Variants in TCF4 observed in about 807,000 individuals in gnomAD.
TCF4 encodes the protein SL3-3 enhancer factor 2.
Under a neutral mutation model 82.1 loss-of-function variants are expected in TCF4, and 3 were observed. The observed-to-expected ratio is 0.04, with a 90% CI of 0.02 to 0.09. The LOEUF is 0.09. TCF4 is among the 10% of genes least tolerant of loss of function. The probability of loss-of-function intolerance (pLI) is 1.00; values close to 1 mark genes in which losing one functional copy is unlikely to be tolerated. For synonymous variants in TCF4, 276 were observed against 309.6 expected, an observed-to-expected ratio of 0.89 and a Z score of 1.14; for missense variants, 518 against 852.7, an observed-to-expected ratio of 0.61 and a Z score of 4.89.
chr18:55,332,330 A>C (rs960538698), intron 8 of TCF4: 34 of 149,346 alleles, frequency 2.3e-4, no homozygotes, highest in African/African-American at 7.2e-4. Flanking sequence ...AAAAAAAAAA[A>C]CAGCTTAAAA....
chr18:55,431,747 G>A (rs944601137), intron 5 of TCF4, among the ~76,000 whole-genome samples: 10 of 152,208 alleles, frequency 6.6e-5, no homozygotes, highest in Non-Finnish European at 1.2e-4. Flanking sequence ...GAAGCGTTAA[G>A]ACTGCAGGTG....
At chr18:55,434,886 G>A (rs2147225269) in intron 5 of TCF4, among the ~76,000 whole-genome samples, 1 of 149,866 alleles carries the variant, frequency 6.7e-6, no homozygotes, top group East Asian at 2.0e-4. Flanking sequence ...ATCATATATG[G>A]GTAAATGGAG....
intron 5 of TCF4, chr18:55,422,409 G>C (rs1343328129): frequency 1.0e-6 from 1 of 984,636 alleles, no homozygotes; most frequent in African/African-American, 1.8e-5. Context: ...AAAGGTGGAG[G>C]GTTTGGGGGG....
intron 6 of TCF4, among the ~76,000 whole-genome samples, chr18:55,355,325 T>C (rs1440229030): frequency 6.6e-6 from 1 of 152,214 alleles, no homozygotes; most frequent in African/African-American, 2.4e-5. Flanking sequence ...AGGTCATTTC[T>C]ACATAGCTAA....
At chr18:55,336,578 AAAAG>A (rs2078690339) in intron 8 of TCF4, among the ~76,000 whole-genome samples, 1 of 152,160 alleles carries the variant, frequency 6.6e-6, no homozygotes, top group African/African-American at 2.4e-5. Flanking sequence ...GGGGGCAAGA[AAAAG>A]AAAGAAGCTA....
At chr18:55,400,029 G>T (rs1414542681) in intron 6 of TCF4, among the ~76,000 whole-genome samples, 1 of 151,664 alleles carries the variant, frequency 6.6e-6, no homozygotes, top group Non-Finnish European at 1.5e-5. Flanking sequence ...AAGGGGAGAA[G>T]TAATAACAAG....
chr18:55,322,885 CAG>C lies in TCF4; in HGVS notation c.549+27472_549+27473del, dbSNP rs150015392. ...AAAGGCACCCCTGAGACCACATTTT[CAG>C]AGTTTTGCAGCATCCCCGCAGCCCA... On this transcript the variant is annotated intron_variant, in intron 8 of 19. Transcript: ENST00000354452. Among the ~76,000 whole-genome samples, 38 of 152,310 alleles carry C rather than the reference CAG, an allele frequency of 2.5e-4. No individual in the cohort carries two copies. In the East Asian group the frequency reaches 4.2e-3, roughly 17 times the overall value.
chr18:55,550,689 G>GC (rs2097253063), intron 3 of TCF4: 1 of 152,184 alleles, frequency 6.6e-6, no homozygotes, highest in Non-Finnish European at 1.5e-5. Flanking sequence ...TACACTGGGC[G>GC]CATGACCAGC....
At chr18:55,261,380 T>C (rs1424694707) in intron 12 of TCF4, 86 bp downstream of exon 12, 1 of 1,513,350 alleles carries the variant, frequency 6.6e-7, no homozygotes, top group Non-Finnish European at 9.2e-7. Flanking sequence ...TTGCCATTCA[T>C]TTTCTAAAAT....
chr18:55,631,055 T>TG (rs1283850588), intron 2 of TCF4, among the ~76,000 whole-genome samples: 1 of 151,438 alleles, frequency 6.6e-6, no homozygotes, highest in Non-Finnish European at 1.5e-5. Flanking sequence ...CAATGGGTTT[T>TG]TTTTTTTTTT....
intron 6 of TCF4, among the ~76,000 whole-genome samples, chr18:55,366,437 T>C (rs1381925412): frequency 5.9e-5 from 9 of 152,252 alleles, no homozygotes; most frequent in South Asian, 2.1e-4. Flanking sequence ...ACATGTTATA[T>C]ACACCATATT....
chr18:55,465,692 G>A (rs1472010514), intron 3 of TCF4, among the ~76,000 whole-genome samples: 2 of 152,040 alleles, frequency 1.3e-5, no homozygotes, highest in Non-Finnish European at 1.5e-5. Context: ...TCTGGGATTC[G>A]CACATAAATA....
intron 3 of TCF4, among the ~76,000 whole-genome samples, chr18:55,554,557 T>G (rs1324323146): frequency 2.0e-5 from 3 of 152,172 alleles, no homozygotes; most frequent in African/African-American, 7.2e-5. Flanking sequence ...TGTATAAAAC[T>G]GAAATAATCA....
chr18:55,534,827 TG>T (rs147976835), intron 3 of TCF4, among the ~76,000 whole-genome samples: 1 of 152,346 alleles, frequency 6.6e-6, no homozygotes, highest in Non-Finnish European at 1.5e-5. Context: ...GGTGAATGAA[TG>T]AAAAATATCA....
intron 3 of TCF4, chr18:55,550,304 A>G (rs541882069): frequency 1.3e-5 from 2 of 152,322 alleles, no homozygotes; most frequent in East Asian, 3.9e-4. Context: ...AATATTTACA[A>G]ACTTATTTTT....
intron 8 of TCF4, among the ~76,000 whole-genome samples, chr18:55,334,046 T>C (rs990244211): frequency 1.3e-5 from 2 of 152,192 alleles, no homozygotes; most frequent in African/African-American, 2.4e-5. Flanking sequence ...TCTCTGATTT[T>C]TACCCAATTT....
At chr18:55,294,168 G>A (rs1225744621) in intron 8 of TCF4, among the ~76,000 whole-genome samples, 1 of 151,242 alleles carries the variant, frequency 6.6e-6, no homozygotes, top group Non-Finnish European at 1.5e-5. Flanking sequence ...GCTGAGGCAT[G>A]AGAATTGCTT....
At chr18:55,434,877 T>G (rs908697920) in intron 5 of TCF4, among the ~76,000 whole-genome samples, 1 of 151,612 alleles carries the variant, frequency 6.6e-6, no homozygotes, top group African/African-American at 2.4e-5. Context: ...TGTGTAATAA[T>G]CATATATGGG....
At chr18:55,363,538 T>TCA (rs1569197826) in intron 6 of TCF4, among the ~76,000 whole-genome samples, 1 of 152,176 alleles carries the variant, frequency 6.6e-6, no homozygotes, top group African/African-American at 2.4e-5. Context: ...GCGTAGTAGC[T>TCA]CATGCCTGTA....
Sources: gnomAD v4.1 joint callset for allele counts (sites outside exome capture counted in the v4.1 genomes callset) on GRCh38, gnomAD v4.1.1 for gene constraint, MANE v1.5 for transcripts, NCBI Gene and HGNC (gene_info 2026-07-23, HGNC 2026-07-21) for gene names.